The following SLC22A23 variants were observed in gnomAD, a reference collection of about 807,000 sequenced individuals.
SLC22A23 encodes the protein ion transporter protein.
In SLC22A23, 26 loss-of-function variants were observed where a neutral mutation model predicts 61.0. The observed-to-expected ratio is 0.43, with a 90% CI of 0.31 to 0.59. SLC22A23 has a LOEUF of 0.59. Among genes scored for constraint, SLC22A23 ranks in the 20% least tolerant of loss-of-function variants. The pLI is 0.11. For synonymous variants in SLC22A23, 430 were observed against 413.9 expected, an observed-to-expected ratio of 1.04 and a Z score of -0.47; for missense variants, 796 against 934.7, an observed-to-expected ratio of 0.85 and a Z score of 1.94.
intron 4 of SLC22A23, among the ~76,000 whole-genome samples, chr6:3,319,948 G>T (rs1762854837): frequency 6.6e-6 from 1 of 152,222 alleles, no homozygotes. Flanking sequence ...CACGGTCCAA[G>T]GCAGTCCGCC....
chr6:3,396,774 A>C (rs1366352572), intron 3 of SLC22A23, among the ~76,000 whole-genome samples: 3 of 152,238 alleles, frequency 2.0e-5, no homozygotes. Context: ...GCTGCCGAGC[A>C]GCCTGACTCC....
In SLC22A23 at chr6:3,334,408, G is replaced by A. The variant is rs561466310; in HGVS notation, c.914-10406C>T. On this transcript the variant is annotated intron_variant, in intron 3 of 9. Coordinates refer to ENST00000406686, the MANE Select transcript of SLC22A23 (RefSeq NM_015482.2). ...ACTCCTGACCTCAGGCGATTCACCCGCCTCGGCCTCCCAAAGTGCTGGGAT... is the reference window on the plus strand; with the variant it reads ...ACTCCTGACCTCAGGCGATTCACCCACCTCGGCCTCCCAAAGTGCTGGGAT... Among the ~76,000 whole-genome samples, 33 of 152,168 alleles carry A rather than the reference G, an allele frequency of 2.2e-4. 1 individual carries two copies. Among genetic ancestry groups the A allele is most frequent in the African/African-American group, 7.7e-4 (32 of 41,524 alleles).
At chr6:3,433,414 T>C (rs1483244553) in intron 1 of SLC22A23, among the ~76,000 whole-genome samples, 1 of 152,124 alleles carries the variant, frequency 6.6e-6, no homozygotes, top group Non-Finnish European at 1.5e-5. Flanking sequence ...TAACAAATGG[T>C]AACCCCCTCC....
At chr6:3,419,135 A>G (rs919517746) in intron 1 of SLC22A23, among the ~76,000 whole-genome samples, 1 of 152,168 alleles carries the variant, frequency 6.6e-6, no homozygotes, top group African/African-American at 2.4e-5. Context: ...TAACAGGAGT[A>G]ACGTTATAAA....
At position 3,386,523 on chromosome 6, in the gene SLC22A23, G is replaced by A. The variant is rs1014994523; in HGVS notation, c.913+23665C>T. Among the ~76,000 whole-genome samples the A allele has an allele frequency of 1.3e-5, 2 of 152,232 alleles. No homozygotes were observed. The highest frequency in any genetic ancestry group is 2.9e-5 in the Non-Finnish European group (2 of 68,034). On this transcript the variant is annotated intron_variant, in intron 3 of 9. Transcript: ENST00000406686. The surrounding 1 kb of genome is among the most constrained non-coding windows in gnomAD (Gnocchi z 4.4). ...CAGCCAACAGGAGGCTCCGGGTTCT[G>A]AGGCAGCCTTGTTCTTCCAGACACA...
At chr6:3,306,815 T>G (rs546581653) in intron 4 of SLC22A23, among the ~76,000 whole-genome samples, 20 of 152,282 alleles carry the variant, frequency 1.3e-4, no homozygotes, top group African/African-American at 4.8e-4. Context: ...TCTTTGCTTC[T>G]AAAGAGCCGT....
At chr6:3,441,831 T>C (rs1472434945) in intron 1 of SLC22A23, among the ~76,000 whole-genome samples, 1 of 152,104 alleles carries the variant, frequency 6.6e-6, no homozygotes, top group Non-Finnish European at 1.5e-5. Context: ...CACGATCTTC[T>C]ACCCATCTGT....
At chr6:3,406,766 C>T (rs1768869059) in intron 3 of SLC22A23, among the ~76,000 whole-genome samples, 1 of 152,056 alleles carries the variant, frequency 6.6e-6, no homozygotes, top group Admixed American at 6.6e-5. Flanking sequence ...ATTTTATGTA[C>T]TAATTACACA....
At chr6:3,455,004 G>A (rs1772324437) in intron 1 of SLC22A23, among the ~76,000 whole-genome samples, 1 of 152,228 alleles carries the variant, frequency 6.6e-6, no homozygotes, top group Non-Finnish European at 1.5e-5. Context: ...TAGACACAAG[G>A]AGCAAAACTA....
chr6:3,292,704 G>A (rs908459810), intron 5 of SLC22A23, among the ~76,000 whole-genome samples: 5 of 152,266 alleles, frequency 3.3e-5, no homozygotes, highest in African/African-American at 9.6e-5. Flanking sequence ...GCCTGGGCAG[G>A]AACCCAGCTT....
chr6:3,310,272 G>A (rs915760513), intron 4 of SLC22A23, among the ~76,000 whole-genome samples: 4 of 137,488 alleles, frequency 2.9e-5, no homozygotes, highest in South Asian at 2.2e-4. Context: ...TCTCCCACTG[G>A]AGCACCCTGT....
At chr6:3,275,714 C>T (rs1758829829) in intron 9 of SLC22A23, among the ~76,000 whole-genome samples, 1 of 152,204 alleles carries the variant, frequency 6.6e-6, no homozygotes, top group Non-Finnish European at 1.5e-5. Flanking sequence ...TCCTGAGTAG[C>T]TGGGACTATA....
intron 1 of SLC22A23, among the ~76,000 whole-genome samples, chr6:3,447,930 TCTCA>T (rs1771988373): frequency 1.7e-5 from 2 of 117,930 alleles, no homozygotes; most frequent in Non-Finnish European, 1.7e-5. Context: ...ATAGATGGAG[TCTCA>T]CTCTGTTGCC....
rs1454005578 is a variant in SLC22A23, at chr6:3,456,400, G to A, written c.160C>T (p.Pro54Ser). ...GGGCCGCCTCCAGGATGCAGTGGGG[G>A]CAGCGGCTGGATCTCCGCGCCGCCG... Reference protein sequence around the residue: ...PGGGAEIQPLPPLHPGGGPHP... With the variant: ...PGGGAEIQPLSPLHPGGGPHP... The change falls in exon 1 of 10, where the codon CCC (proline) becomes TCC (serine). Residue 54 changes from proline (P) to serine (S), a missense_variant. Transcript: ENST00000406686. This position sits in a 1 kb window ranked among gnomAD's most constrained non-coding sequence, Gnocchi z 7.1. 1 of 1,493,988 alleles carries A rather than the reference G, an allele frequency of 6.7e-7. No homozygotes were observed. The highest frequency in any genetic ancestry group is 8.9e-7 in the Non-Finnish European group (1 of 1,118,348). 92.5% of individuals were successfully genotyped at this position (1,493,988 alleles called of 1,614,324 possible). A position where few individuals can be genotyped will look rare whatever the true frequency, so the allele number is the denominator to read the frequency against.
intron 9 of SLC22A23, among the ~76,000 whole-genome samples, chr6:3,279,113 T>C (rs1259846642): frequency 6.6e-6 from 1 of 152,244 alleles, no homozygotes; most frequent in African/African-American, 2.4e-5. Context: ...TGTCTATGTA[T>C]ATGTATATAC....
chr6:3,285,901 C>T (rs919493739), intron 7 of SLC22A23, among the ~76,000 whole-genome samples: 4 of 152,110 alleles, frequency 2.6e-5, no homozygotes, highest in Non-Finnish European at 4.4e-5. Flanking sequence ...GATGTTCCCG[C>T]AGTGTCCTGA....
rs111356390 is a variant in SLC22A23, at chr6:3,286,772, G to A, written c.1546+87C>T. 400 of 1,133,324 alleles carry A rather than the reference G, an allele frequency of 3.5e-4. 2 individuals carry two copies. In the African/African-American group the frequency reaches 5.3e-3, roughly 15 times the overall value. 70.2% of individuals were successfully genotyped at this position (1,133,324 alleles called of 1,614,324 possible). A position where few individuals can be genotyped will look rare whatever the true frequency, so the allele number is the denominator to read the frequency against. ...CCAGCAGTAGATTTTAGAGTGGCCA[G>A]CGGAGTCTTATGCAGCCCTTTCAAA... On this transcript the variant is annotated intron_variant, in intron 7 of 9. Transcript: ENST00000406686. This position sits in a 1 kb window ranked among gnomAD's most constrained non-coding sequence, Gnocchi z 4.2.
Position 3,456,438 on chromosome 6 carries a change from C to A in SLC22A23, c.122G>T (p.Arg41Leu). The change falls in exon 1 of 10, where the codon CGC becomes CTC. Residue 41 changes from arginine to leucine, a missense_variant. Transcript: ENST00000406686. This position sits in a 1 kb window ranked among gnomAD's most constrained non-coding sequence, Gnocchi z 7.1. ...CTCCGCGCCGCCGCCGGGGCCCGCGCGTCCCCCGAGGGGCGCCGAGGCCGC... is the reference window on the plus strand; with the variant it reads ...CTCCGCGCCGCCGCCGGGGCCCGCGAGTCCCCCGAGGGGCGCCGAGGCCGC... ...DAAASAPLGG[R>L]AGPGGGAEIQ... is the part of the protein sequence containing the mutation. The A allele has an allele frequency of 7.6e-7, 1 of 1,308,262 alleles. No homozygotes were observed. Among genetic ancestry groups the A allele is most frequent in the Non-Finnish European group, 9.7e-7 (1 of 1,031,930 alleles). The allele number at this position is 1,308,262 out of a possible 1,614,324, so 81.0% of individuals were successfully genotyped here.
At chr6:3,446,839 T>C (rs766275636) in intron 1 of SLC22A23, among the ~76,000 whole-genome samples, 15 of 152,192 alleles carry the variant, frequency 9.9e-5, no homozygotes, top group African/African-American at 9.6e-5. Context: ...ATGCCCTCCA[T>C]TGAAGCCCTC....
Sources: allele counts gnomAD v4.1 joint callset (sites outside exome capture counted in the v4.1 genomes callset), GRCh38; gene constraint gnomAD v4.1.1; non-coding constraint Gnocchi (gnomAD v3.1); transcripts MANE v1.5; gene names NCBI Gene and HGNC (gene_info 2026-07-23, HGNC 2026-07-21).